Variants in DLC1 observed in about 807,000 individuals in gnomAD.
The protein encoded by DLC1 is rho GTPase-activating protein 7.
A neutral mutation model predicts 140.3 loss-of-function variants in DLC1; 54 were observed. The ratio of observed to expected loss-of-function variants is 0.38; its 90% CI spans 0.31 to 0.48. DLC1 has a LOEUF of 0.48. DLC1 is among the 20% of genes least tolerant of loss of function. The pLI, the probability that DLC1 is intolerant of heterozygous loss-of-function variation, is 0.96. For synonymous variants in DLC1, 986 were observed against 728.1 expected (o/e 1.35, Z -5.70); for missense variants, 2,536 against 1,907.0 (o/e 1.33, Z -6.14).
chr8:13,277,062 C>T (rs551647392), intron 5 of DLC1, among the ~76,000 whole-genome samples: 2 of 152,274 alleles, frequency 1.3e-5, no homozygotes, highest in African/African-American at 4.8e-5. Context: ...GTGGCTCACG[C>T]CTGTTCCCAG....
chr8:13,436,932 C>T lies in DLC1; in HGVS notation c.1024-35313G>A, dbSNP rs941029201. On this transcript the variant is annotated intron_variant, in intron 2 of 17. Coordinates refer to ENST00000276297, the MANE Select transcript of DLC1 (RefSeq NM_182643.3). ...CTGGGACTCCATCAATCTTATTTTT[C>T]GTTTCTAAGAGGAATGGGAAAAAAT... Among the ~76,000 whole-genome samples the T allele has an allele frequency of 2.6e-5, 4 of 151,978 alleles. No homozygotes were observed. The South Asian group carries it at 6.2e-4, about 24-fold the overall frequency.
chr8:13,305,130 C>G, intron 5 of DLC1, 139 bp downstream of exon 5: 4 of 1,345,610 alleles, frequency 3.0e-6, no homozygotes, highest in Non-Finnish European at 3.8e-6. Flanking sequence ...AAACAAATTT[C>G]TTTTACAGAA....
chr8:13,554,986 T>G (rs191637302), intron 1 of DLC1, among the ~76,000 whole-genome samples: 1 of 152,364 alleles, frequency 6.6e-6, no homozygotes, highest in African/African-American at 2.4e-5. Context: ...CATCTTTGCT[T>G]TTCTTTAAAC....
rs558616796 is a variant in DLC1 at position 13,528,613 on chromosome 8, G to A, written c.-125-28417C>T. Among the ~76,000 whole-genome samples the A allele has an allele frequency of 2.5e-3, 385 of 152,136 alleles. 2 individuals carry two copies. The highest frequency in any genetic ancestry group is 0.024 in the Middle Eastern group (7 of 294). On this transcript the variant is annotated intron_variant, in intron 1 of 1. Transcript: ENST00000631382. The stretch of plus-strand genomic sequence containing the variant: ...TTTTTTGTGGGCCAAAGTAGAGTGT[G>A]GATTATATTTGCCAAGTTCTTATGT...
chr8:13,250,424 T>C (rs1336105849), intron 5 of DLC1, among the ~76,000 whole-genome samples: 1 of 152,188 alleles, frequency 6.6e-6, no homozygotes, highest in Non-Finnish European at 1.5e-5. Flanking sequence ...GTTCTGGATG[T>C]CCTAGACTGA....
chr8:13,450,275 T>C (rs560189629), intron 2 of DLC1, among the ~76,000 whole-genome samples: 12 of 151,550 alleles, frequency 7.9e-5, no homozygotes, highest in Non-Finnish European at 1.8e-4. Context: ...GCCAACATGG[T>C]GAAACGCTGT....
chr8:13,305,171 G>A, intron 5 of DLC1, 98 bp downstream of exon 5: 7 of 1,511,368 alleles, frequency 4.6e-6, no homozygotes, highest in Non-Finnish European at 6.2e-6. Flanking sequence ...ATATTCATGA[G>A]ATGTATACAT....
chr8:13,183,432 G>A (rs1210891602), intron 5 of DLC1, among the ~76,000 whole-genome samples: 2 of 152,152 alleles, frequency 1.3e-5, no homozygotes, highest in African/African-American at 4.8e-5. Flanking sequence ...TGCCCTTTCA[G>A]TATGATATTG....
At chr8:13,233,952 C>A (rs1829167166) in intron 5 of DLC1, among the ~76,000 whole-genome samples, 2 of 152,162 alleles carry the variant, frequency 1.3e-5, no homozygotes. Flanking sequence ...TCAAAAGTCT[C>A]AACCATTCAC....
intron 1 of DLC1, chr8:13,567,140 C>T (rs1585282312): frequency 6.4e-7 from 1 of 1,551,744 alleles, no homozygotes. Context: ...TCGCCCCTGA[C>T]CTCTGGGAGC....
At chr8:13,381,847 G>A (rs527659064) in intron 4 of DLC1, among the ~76,000 whole-genome samples, 9 of 152,112 alleles carry the variant, frequency 5.9e-5, no homozygotes, top group Non-Finnish European at 1.0e-4. Context: ...ATAGATGGCT[G>A]GGATGGATTT....
At chr8:13,398,134 A>AG (rs1392493774) in intron 3 of DLC1, among the ~76,000 whole-genome samples, 6 of 152,064 alleles carry the variant, frequency 3.9e-5, no homozygotes, top group African/African-American at 1.2e-4. Flanking sequence ...CATCTCAAAA[A>AG]AAAGAACAAG....
chr8:13,123,500 T>A (rs892061786), intron 5 of DLC1, among the ~76,000 whole-genome samples: 1 of 135,438 alleles, frequency 7.4e-6, no homozygotes, highest in Non-Finnish European at 1.5e-5. Flanking sequence ...GCCACCACAA[T>A]GAGCTAATTT....
At chr8:13,512,107 A>G (rs1585228893) in intron 1 of DLC1, among the ~76,000 whole-genome samples, 2 of 152,220 alleles carry the variant, frequency 1.3e-5, no homozygotes, top group African/African-American at 4.8e-5. Flanking sequence ...GTCAGCTATA[A>G]GGGCCACCAC....
At chr8:13,377,877 A>G (rs945218480) in intron 4 of DLC1, among the ~76,000 whole-genome samples, 1 of 151,792 alleles carries the variant, frequency 6.6e-6, no homozygotes, top group Admixed American at 6.6e-5. Context: ...ATATAATTTG[A>G]CCAGAAGATG....
chr8:13,371,396 T>C (rs1392789159), intron 4 of DLC1, among the ~76,000 whole-genome samples: 1 of 152,180 alleles, frequency 6.6e-6, no homozygotes, highest in Non-Finnish European at 1.5e-5. Flanking sequence ...TCTCTGTCTC[T>C]GTCTCTCTCA....
At chr8:13,412,598 C>T (rs576149795) in intron 2 of DLC1, among the ~76,000 whole-genome samples, 44 of 152,202 alleles carry the variant, frequency 2.9e-4, no homozygotes, top group African/African-American at 1.1e-3. Flanking sequence ...TTCACATGCA[C>T]TGACAGGGCC....
intron 4 of DLC1, chr8:13,341,801 C>G (rs1408900916): frequency 6.6e-6 from 1 of 152,156 alleles, no homozygotes; most frequent in Non-Finnish European, 1.5e-5. Flanking sequence ...CCCATCAAGG[C>G]TAGCCAAGAG....
rs1344602556 is a variant in DLC1 at position 13,499,096 on chromosome 8, C to T, written c.976G>A (p.Ala326Thr). 6.2e-7 allele frequency: 1 copy of T among 1,613,810 alleles called. No homozygotes were observed. The highest frequency in any genetic ancestry group is 8.5e-7 in the Non-Finnish European group (1 of 1,179,922). ...MQCLQLKETL[A>T]TQEPTDNQVR... ...TGGTTATCTGTGGGTTCCTGGGTGG[C>T]CAGGGTCTCCTTTAATTGTAAACAC... Residue 326 changes from alanine to threonine, a missense_variant, in exon 2 of 18, where the codon GCC becomes ACC. Physicochemically the swap from Ala to Thr is moderately conservative, Grantham distance 58. Coordinates refer to ENST00000276297, the MANE Select transcript of DLC1 (RefSeq NM_182643.3).
Sources: allele counts gnomAD v4.1 joint callset (sites outside exome capture counted in the v4.1 genomes callset), GRCh38; gene constraint gnomAD v4.1.1; transcripts MANE v1.5; gene names NCBI Gene and HGNC (gene_info 2026-07-23, HGNC 2026-07-21).